The following NDUFAF7 variants were observed in gnomAD, a reference collection of about 807,000 sequenced individuals.
NDUFAF7 encodes the protein protein arginine methyltransferase NDUFAF7, mitochondrial.
In NDUFAF7, 48 loss-of-function variants were observed where a neutral mutation model predicts 47.2. That is an observed-to-expected ratio of 1.02 (90% CI 0.81 to 1.29). NDUFAF7 has a LOEUF of 1.29. Among genes scored for constraint, NDUFAF7 ranks in the 50% most tolerant of loss-of-function variants. The pLI, the probability that NDUFAF7 is intolerant of heterozygous loss-of-function variation, is 0.00. For missense variants in NDUFAF7, 635 were observed against 537.6 expected (o/e 1.18, Z -1.79); for synonymous variants, 217 against 190.0 (o/e 1.14, Z -1.17).
At chr2:37,256,652 T>TACC, downstream of NDUFAF7, 1 of 1,406,458 alleles carries the variant, frequency 7.1e-7, no homozygotes, top group Non-Finnish European at 9.2e-7. Flanking sequence ...TTTTTTTTTT[T>TACC]TTTTTTTACC....
downstream of NDUFAF7, chr2:37,253,373 T>C (rs1401430380): frequency 3.2e-6 from 5 of 1,577,126 alleles, no homozygotes; most frequent in African/African-American, 1.4e-5. Context: ...GAAATTGTAA[T>C]GATGAAACAA....
At chr2:37,254,303 C>G, downstream of NDUFAF7, 1 of 1,603,092 alleles carries the variant, frequency 6.2e-7, no homozygotes, top group Non-Finnish European at 8.5e-7. Context: ...AGGGAAAAGA[C>G]AAAACAAGAT....
In NDUFAF7 at chr2:37,236,466, A is replaced by G. The variant is rs185429235; in HGVS notation, c.297+290A>G. Reference sequence around the variant, plus strand: ...TCATAAAGAGGACAGAAAAAGGAGAATCAGATGAAGGAAGAGAATGGAAGA... The same window carrying G: ...TCATAAAGAGGACAGAAAAAGGAGAGTCAGATGAAGGAAGAGAATGGAAGA... On this transcript the variant is annotated intron_variant, in intron 3 of 9. Coordinates refer to ENST00000002125, the MANE Select transcript of NDUFAF7 (RefSeq NM_144736.5). 6.0e-4 allele frequency among the ~76,000 whole-genome samples: 91 copies of G among 152,140 alleles called. 2 individuals are homozygous for G. In the East Asian group the frequency reaches 0.016, roughly 27 times the overall value.
At position 37,232,134 on chromosome 2, in the gene NDUFAF7, C is replaced by T. The variant is rs529999742; in HGVS notation, c.84C>T (p.Tyr28=). 2 of 1,614,228 alleles carry T rather than the reference C, an allele frequency of 1.2e-6. No individual in the cohort carries two copies. Among genetic ancestry groups the T allele is most frequent in the East Asian group, 2.2e-5 (1 of 44,888 alleles). ...AAIPFIWRGK[Y]FSSGNEPAEN... ...TTCCTTTTATTTGGAGAGGGAAATA[C>T]TTCAGCTCCGGGAATGAGCCTGCAG... Residue 28 remains tyrosine, a synonymous_variant, in exon 2 of 10, where the codon TAC becomes TAT. Coordinates refer to ENST00000002125, the MANE Select transcript of NDUFAF7 (RefSeq NM_144736.5).
chr2:37,232,135 T>C lies in NDUFAF7; in HGVS notation c.85T>C (p.Phe29Leu). The change falls in exon 2 of 10, where the codon TTC (phenylalanine) becomes CTC (leucine). Residue 29 changes from phenylalanine (F) to leucine (L), a missense_variant. By Grantham distance (22) the Phe-to-Leu change is conservative. Coordinates refer to ENST00000002125, the MANE Select transcript of NDUFAF7 (RefSeq NM_144736.5). ...TCCTTTTATTTGGAGAGGGAAATAC[T>C]TCAGCTCCGGGAATGAGCCTGCAGA... ...AIPFIWRGKY[F>L]SSGNEPAENP... is the part of the protein sequence containing the mutation. The C allele has an allele frequency of 6.2e-7, 1 of 1,614,228 alleles. No individual in the cohort carries two copies. The highest frequency in any genetic ancestry group is 8.5e-7 in the Non-Finnish European group (1 of 1,180,034).
downstream of NDUFAF7, among the ~76,000 whole-genome samples, chr2:37,255,217 G>A (rs1430755019): frequency 1.3e-5 from 2 of 152,110 alleles, no homozygotes; most frequent in Non-Finnish European, 2.9e-5. Context: ...TCATTACCAA[G>A]CAAACCTGCT....
At chr2:37,242,017 C>CA in intron 5 of NDUFAF7, 9 of 576,522 alleles carry the variant, frequency 1.6e-5, no homozygotes, top group Non-Finnish European at 2.5e-5. Flanking sequence ...AAATCCCAAA[C>CA]AAAATGTAAA....
Position 37,236,823 on chromosome 2 carries a change from GA to G in NDUFAF7, c.297+650del, listed in dbSNP as rs753617743. Among the ~76,000 whole-genome samples the G allele has an allele frequency of 1.9e-3, 285 of 151,542 alleles. 2 individuals are homozygous for G. Among genetic ancestry groups the G allele is most frequent in the Non-Finnish European group, 9.4e-4 (64 of 67,916 alleles). On this transcript the variant is annotated intron_variant, in intron 3 of 9. Transcript: ENST00000002125. ...ATGGAAGAAGGAAGAGAGACAAAAG[GA>G]AAGGCGAGGAAAGAGGTAGAGTGCC...
chr2:37,260,483 A>G, the NDUFAF7 span: 4 of 1,062,126 alleles, frequency 3.8e-6, no homozygotes, highest in Non-Finnish European at 5.6e-6. Flanking sequence ...ACAGAAAGAA[A>G]GCCTAGAGAA....
At position 37,248,291 on chromosome 2, in the gene NDUFAF7, C is replaced by T. The variant is rs760279124; in HGVS notation, c.1267C>T (p.Arg423Cys). 83 of 1,614,000 alleles carry T rather than the reference C, an allele frequency of 5.1e-5. No individual in the cohort carries two copies. The East Asian group carries it at 1.3e-3, about 25-fold the overall frequency. ...AGGTGGAAGATATCAGAGGAATGCA[C>T]GTCAGTCAAAACCCTTTGCATCCGT... ...LQGGRYQRNA[R>C]QSKPFASVVA... Residue 423 changes from arginine (R) to cysteine (C), a missense_variant, in exon 10 of 10, where the codon CGT (arginine) becomes TGT (cysteine). Transcript: ENST00000002125.
chr2:37,269,539 A>C, the NDUFAF7 span: 23 of 1,325,334 alleles, frequency 1.7e-5, no homozygotes, highest in Non-Finnish European at 2.5e-5. Flanking sequence ...GAGATGACAA[A>C]ACAGCTGGCA....
At chr2:37,262,548 C>T in the NDUFAF7 span, among the ~76,000 whole-genome samples, 1 of 152,192 alleles carries the variant, frequency 6.6e-6, no homozygotes, top group African/African-American at 2.4e-5. Context: ...ATAAATGAAA[C>T]TCAAATACCC....
chr2:37,257,066 G>A, downstream of NDUFAF7: 3 of 1,007,554 alleles, frequency 3.0e-6, no homozygotes, highest in Admixed American at 5.0e-5. Flanking sequence ...CACAGATAAG[G>A]AAATTGTAAA....
chr2:37,241,547 T>G, intron 4 of NDUFAF7, 31 bp from the exon 5 acceptor site: 1 of 1,531,152 alleles, frequency 6.5e-7, no homozygotes, highest in Non-Finnish European at 9.0e-7. Flanking sequence ...ACTTAACACA[T>G]TGTATTTTTT....
At chr2:37,250,780 AT>A (rs1257448269), downstream of NDUFAF7, 4 of 152,572 alleles carry the variant, frequency 2.6e-5, no homozygotes, top group East Asian at 1.9e-4. Context: ...AACCAAAAAA[AT>A]ATTAAAAATG....
chr2:37,244,119 T>C (rs1466507652), intron 7 of NDUFAF7, 146 bp downstream of exon 7: 7 of 708,064 alleles, frequency 9.9e-6, no homozygotes, highest in Non-Finnish European at 1.7e-5. Context: ...ACAGTGAAAG[T>C]GCAGAGGAGC....
Position 37,231,813 on chromosome 2 carries a change from C to T in NDUFAF7, c.55+53C>T, listed in dbSNP as rs970165433. 5.6e-6 allele frequency: 9 copies of T among 1,611,096 alleles called. No individual in the cohort carries two copies. The African/African-American group carries it at 8.0e-5, about 14-fold the overall frequency. ...TTGCCGTGGAAGCCGCGTGGGGCGC[C>T]TTCCTCAGCTCTTCAGTTGAGGGTA... On this transcript the variant is annotated intron_variant, in intron 1 of 9. Coordinates refer to ENST00000002125, the MANE Select transcript of NDUFAF7 (RefSeq NM_144736.5).
the NDUFAF7 span, among the ~76,000 whole-genome samples, chr2:37,261,042 C>T: frequency 2.0e-5 from 3 of 152,250 alleles, no homozygotes; most frequent in African/African-American, 7.2e-5. Context: ...CTTGCTCAAA[C>T]ACCTTCAGTG....
downstream of NDUFAF7, among the ~76,000 whole-genome samples, chr2:37,256,451 G>A (rs1385638559): frequency 2.0e-5 from 3 of 152,128 alleles, no homozygotes; most frequent in Non-Finnish European, 4.4e-5. Flanking sequence ...CTATGTAAGT[G>A]CTATGCCTGG....
Sources: allele counts gnomAD v4.1 joint callset (sites outside exome capture counted in the v4.1 genomes callset), GRCh38; gene constraint gnomAD v4.1.1; transcripts MANE v1.5; gene names NCBI Gene and HGNC (gene_info 2026-07-23, HGNC 2026-07-21).